The following USP53 variants were observed in gnomAD, a reference collection of about 807,000 sequenced individuals.
USP53 encodes ubiquitin specific peptidase 53, also known as ubiquitin carboxyl-terminal hydrolase 53.
A neutral mutation model predicts 94.9 loss-of-function variants in USP53; 71 were observed. That is an observed-to-expected ratio of 0.75 (90% confidence interval 0.62 to 0.91). The LOEUF (loss-of-function observed/expected upper bound fraction) is 0.91. Among genes scored for constraint, USP53 ranks in the 40% least tolerant of loss-of-function variants. USP53 has a pLI of 0.00. For synonymous variants in USP53, 375 were observed against 422.7 expected (o/e 0.89, Z 1.39); for missense variants, 1,173 against 1,281.0 (o/e 0.92, Z 1.29).
chr4:119,261,246 C>A (rs1231432825), intron 11 of USP53, among the ~76,000 whole-genome samples: 1 of 152,110 alleles, frequency 6.6e-6, no homozygotes, highest in African/African-American at 2.4e-5. Flanking sequence ...CAGGCGTGAG[C>A]CACCACACCC....
chr4:119,282,104 A>T (rs1274027268), intron 17 of USP53, among the ~76,000 whole-genome samples: 2 of 152,194 alleles, frequency 1.3e-5, no homozygotes, highest in South Asian at 2.1e-4. Flanking sequence ...TTCACTTAGC[A>T]TGATGACTTC....
rs1379315942 is a variant in USP53, at chr4:119,293,506, AAT to A, written c.*297_*298del. On this transcript the variant is annotated 3_prime_UTR_variant, in exon 19 of 19. Transcript: ENST00000692078. ...TTAGATATTTTAGAAATTCCCTTTG[AAT>A]AGTCTTGGCGTGCCGTGAAAAATAG... The A allele has an allele frequency of 4.2e-6, 1 of 238,112 alleles. No individual in the cohort carries two copies. Among genetic ancestry groups the A allele is most frequent in the Non-Finnish European group, 8.0e-6 (1 of 124,752 alleles). 14.7% of individuals were successfully genotyped at this position (238,112 alleles called of 1,614,324 possible).
intron 12 of USP53, among the ~76,000 whole-genome samples, chr4:119,263,369 T>A (rs1218882189): frequency 6.6e-6 from 1 of 152,160 alleles, no homozygotes; most frequent in Non-Finnish European, 1.5e-5. Context: ...CAAAGCCTAG[T>A]AGTGTCACTG....
At position 119,212,836 on chromosome 4, in the gene USP53, G is replaced by C. The variant is rs1349735103; in HGVS notation, c.-979G>C. Reference sequence around the variant, plus strand: ...TGGAAGGCCTGTATTTCTCTACCTGGACCGCACGCTCCTCGCGCAAGGAGG... The same window carrying C: ...TGGAAGGCCTGTATTTCTCTACCTGCACCGCACGCTCCTCGCGCAAGGAGG... On this transcript the variant is annotated 5_prime_UTR_variant, in exon 1 of 19. Coordinates refer to ENST00000692078, the MANE Select transcript of USP53 (RefSeq NM_001371395.1). 2 of 239,026 alleles carry C rather than the reference G, an allele frequency of 8.4e-6. No homozygotes were observed. Among genetic ancestry groups the C allele is most frequent in the African/African-American group, 4.5e-5 (2 of 44,858 alleles). 14.8% of individuals were successfully genotyped at this position (239,026 alleles called of 1,614,324 possible).
At chr4:119,231,735 G>T (rs755339788) in intron 3 of USP53, among the ~76,000 whole-genome samples, 16 of 152,138 alleles carry the variant, frequency 1.1e-4, no homozygotes, top group Non-Finnish European at 1.5e-5. Context: ...GAGGAAACCA[G>T]GCACAAACTT....
chr4:119,265,228 A>G (rs1252507151), intron 12 of USP53, among the ~76,000 whole-genome samples: 1 of 152,232 alleles, frequency 6.6e-6, no homozygotes. Flanking sequence ...ATTTTACTTC[A>G]TATAGTACAA....
In USP53 at chr4:119,269,770, A is replaced by G; in HGVS notation, c.1368A>G (p.Lys456=). The part of the protein sequence containing the change: ...RECALKAIEQ[K]NLLSSQRKDL... Reference sequence around the variant, plus strand: ...GTGCTCTGAAAGCTATTGAACAGAAAAACTTACTTTCTTCACAAAGGAAAG... The same window carrying G: ...GTGCTCTGAAAGCTATTGAACAGAAGAACTTACTTTCTTCACAAAGGAAAG... Residue 456 remains lysine (K), a synonymous_variant, in exon 15 of 19, where the codon AAA becomes AAG. Transcript: ENST00000692078. 6.6e-7 allele frequency: 1 copy of G among 1,517,432 alleles called. No individual in the cohort carries two copies. 94.0% of individuals were successfully genotyped at this position (1,517,432 alleles called of 1,614,324 possible).
chr4:119,235,351 C>T lies in USP53; in HGVS notation c.-603C>T, dbSNP rs1224346855. On this transcript the variant is annotated 5_prime_UTR_variant, in exon 4 of 19. Transcript: ENST00000692078. ...TGGTGCAGTCTTAGCTTACTGCAGC[C>T]TCAAACTTCTGGGCTCAAGTAATCC... 2.0e-5 allele frequency: 3 copies of T among 152,242 alleles called. No homozygotes were observed. Among genetic ancestry groups the T allele is most frequent in the Admixed American group, 1.3e-4 (2 of 15,268 alleles). The allele number at this position is 152,242 out of a possible 1,614,324, so 9.4% of individuals were successfully genotyped here.
intron 9 of USP53, among the ~76,000 whole-genome samples, chr4:119,257,660 G>A (rs999235148): frequency 9.2e-5 from 14 of 152,088 alleles, no homozygotes; most frequent in East Asian, 3.9e-4. Flanking sequence ...GCTTTATTGA[G>A]TATAAAATGT....
At position 119,239,276 on chromosome 4, in the gene USP53, G is replaced by A. The variant is rs1356315650; in HGVS notation, c.-484G>A. The A allele has an allele frequency of 1.3e-5, 2 of 151,840 alleles. No homozygotes were observed. Among genetic ancestry groups the A allele is most frequent in the African/African-American group, 4.9e-5 (2 of 41,156 alleles). 9.4% of individuals were successfully genotyped at this position (151,840 alleles called of 1,614,324 possible). A position where few individuals can be genotyped will look rare whatever the true frequency, so the allele number is the denominator to read the frequency against. On this transcript the variant is annotated 5_prime_UTR_variant, in exon 5 of 19. It introduces an in-frame stop codon into an upstream open reading frame of the 5' UTR. Coordinates refer to ENST00000692078, the MANE Select transcript of USP53 (RefSeq NM_001371395.1). ...GAGTCACCTTTTATAACTTCACCTGGGAAAGAGAGAGAAAACTTTCTTGTT... is the reference window on the plus strand; with the variant it reads ...GAGTCACCTTTTATAACTTCACCTGAGAAAGAGAGAGAAAACTTTCTTGTT...
At chr4:119,243,638 C>T (rs1747842033) in intron 5 of USP53, among the ~76,000 whole-genome samples, 1 of 152,092 alleles carries the variant, frequency 6.6e-6, no homozygotes, top group Admixed American at 6.5e-5. Context: ...TGAAATAAAT[C>T]ACATAAAACA....
chr4:119,292,542 G>A lies in USP53; in HGVS notation c.2553G>A (p.Gly851=). 6.2e-7 allele frequency: 1 copy of A among 1,614,008 alleles called. No individual in the cohort carries two copies. The highest frequency in any genetic ancestry group is 8.5e-7 in the Non-Finnish European group (1 of 1,179,922). The change falls in exon 19 of 19, where the codon GGG becomes GGA. Residue 851 remains glycine, a synonymous_variant. Transcript: ENST00000692078. ...LPFHVDNSAS[G]KRVNSNEPSS... ...TTCACGTTGATAACTCTGCTTCTGG[G>A]AAGAGAGTGAACAGTAATGAACCAT...
At chr4:119,278,468 C>T (rs947601169) in intron 17 of USP53, among the ~76,000 whole-genome samples, 1 of 145,908 alleles carries the variant, frequency 6.9e-6, no homozygotes. Context: ...GCCGAGAGAT[C>T]CACTGTTAGT....
intron 5 of USP53, among the ~76,000 whole-genome samples, chr4:119,244,016 C>T (rs1747898647): frequency 6.6e-6 from 1 of 152,100 alleles, no homozygotes; most frequent in African/African-American, 2.4e-5. Flanking sequence ...AATATTTTGC[C>T]TGAGTCAGTC....
At chr4:119,284,016 T>A (rs991377263) in intron 17 of USP53, among the ~76,000 whole-genome samples, 1 of 151,760 alleles carries the variant, frequency 6.6e-6, no homozygotes, top group Non-Finnish European at 1.5e-5. Flanking sequence ...AAGGAGCAAC[T>A]GTAGAAAGGA....
rs1454742940 is a variant in USP53, at chr4:119,276,267, C to T, written c.2251+2559C>T. Among the ~76,000 whole-genome samples, 14 of 147,178 alleles carry T rather than the reference C, an allele frequency of 9.5e-5. No individual in the cohort carries two copies. The South Asian group carries it at 1.5e-3, about 16-fold the overall frequency. On this transcript the variant is annotated intron_variant, in intron 17 of 18. Transcript: ENST00000692078. The stretch of plus-strand genomic sequence containing the variant: ...AGATAGCTCTTATTATTTTGAAATA[C>T]GTCCCATCAATACCTAATTTATTGA...
At chr4:119,233,989 T>C (rs1158366978) in intron 3 of USP53, among the ~76,000 whole-genome samples, 1 of 152,202 alleles carries the variant, frequency 6.6e-6, no homozygotes, top group Non-Finnish European at 1.5e-5. Context: ...CTTAGAGGCA[T>C]GATCTTCTCC....
At chr4:119,213,647 T>TTAGATATATATAGATATATATAG (rs201030853) in intron 1 of USP53, among the ~76,000 whole-genome samples, 1 of 123,074 alleles carries the variant, frequency 8.1e-6, no homozygotes, top group African/African-American at 3.4e-5. Flanking sequence ...AATAGATATA[T>TTAGATATATATAGATATATATAG]ATATATATAT....
At chr4:119,247,104 A>G (rs1188667622) in intron 6 of USP53, among the ~76,000 whole-genome samples, 1 of 152,180 alleles carries the variant, frequency 6.6e-6, no homozygotes, top group Non-Finnish European at 1.5e-5. Flanking sequence ...AGATCACATT[A>G]CAGTATCACA....
Sources: allele counts gnomAD v4.1 joint callset (sites outside exome capture counted in the v4.1 genomes callset), GRCh38; gene constraint gnomAD v4.1.1; transcripts MANE v1.5; gene names NCBI Gene and HGNC (gene_info 2026-07-23, HGNC 2026-07-21).